Variants in DPP6 observed in about 807,000 individuals in gnomAD.
The protein encoded by DPP6 is dipeptidyl peptidase like 6, also known as A-type potassium channel modulatory protein DPP6.
A neutral mutation model predicts 122.6 loss-of-function variants in DPP6; 69 were observed. That is an observed-to-expected ratio of 0.56 (90% CI 0.46 to 0.69). The LOEUF is 0.69. Ranked by LOEUF, DPP6 falls within the 30% of genes least tolerant of loss-of-function variation. The pLI is 0.00. For synonymous variants in DPP6, 418 were observed against 433.1 expected, an observed-to-expected ratio of 0.97 and a Z score of 0.43; for missense variants, 928 against 1,116.9, an observed-to-expected ratio of 0.83 and a Z score of 2.41.
chr7:154,135,439 G>A (rs1285887176), intron 1 of DPP6, among the ~76,000 whole-genome samples: 2 of 150,086 alleles, frequency 1.3e-5, no homozygotes, highest in Non-Finnish European at 3.0e-5. Flanking sequence ...CATGCTTCCC[G>A]TGAGCCCACA....
intron 5 of DPP6, among the ~76,000 whole-genome samples, chr7:154,623,706 AAAC>A (rs1178013978): frequency 9.9e-5 from 15 of 152,186 alleles, no homozygotes; most frequent in African/African-American, 2.7e-4. Flanking sequence ...CATTCAGGAA[AAAC>A]AACAACAGAA....
intron 3 of DPP6, among the ~76,000 whole-genome samples, chr7:154,511,602 A>G (rs921016811): frequency 1.3e-5 from 2 of 152,216 alleles, no homozygotes; most frequent in African/African-American, 4.8e-5. Flanking sequence ...GGAAAAAGAG[A>G]TGATTGTTTT....
At chr7:153,902,992 G>A (rs928295944) in intron 1 of DPP6, among the ~76,000 whole-genome samples, 1 of 152,120 alleles carries the variant, frequency 6.6e-6, no homozygotes, top group Non-Finnish European at 1.5e-5. Context: ...ATGAGTAACC[G>A]CTACAATAGC....
the DPP6 span, among the ~76,000 whole-genome samples, chr7:153,801,607 C>G: frequency 1.3e-5 from 2 of 152,170 alleles, no homozygotes; most frequent in Non-Finnish European, 2.9e-5. Flanking sequence ...GAGAGCCACA[C>G]AGACCCCTAA....
intron 1 of DPP6, among the ~76,000 whole-genome samples, chr7:154,109,985 T>A (rs1806457327): frequency 7.0e-6 from 1 of 143,056 alleles, no homozygotes; most frequent in Non-Finnish European, 1.5e-5. Flanking sequence ...TAGCTCTTAG[T>A]ACCTTACCTA....
chr7:153,776,229 G>A, the DPP6 span, among the ~76,000 whole-genome samples: 774 of 152,266 alleles, frequency 5.1e-3, 10 homozygotes, highest in African/African-American at 0.018. Flanking sequence ...TGGTTTGGCT[G>A]TGTCCACACC....
intron 1 of DPP6, among the ~76,000 whole-genome samples, chr7:154,103,575 A>G (rs1346303064): frequency 6.6e-6 from 1 of 152,246 alleles, no homozygotes; most frequent in African/African-American, 2.4e-5. Context: ...ATAGCTGGTA[A>G]TGTGTGATTT....
chr7:154,811,856 G>A (rs968279895), intron 16 of DPP6, among the ~76,000 whole-genome samples: 3 of 152,118 alleles, frequency 2.0e-5, no homozygotes, highest in Admixed American at 6.5e-5. Flanking sequence ...TAGCATTAGA[G>A]ACTCTTGTTT....
At chr7:154,362,783 T>G (rs1811839363) in intron 1 of DPP6, among the ~76,000 whole-genome samples, 1 of 152,100 alleles carries the variant, frequency 6.6e-6, no homozygotes, top group Non-Finnish European at 1.5e-5. Context: ...GCACTCTCTT[T>G]GCACCCCATG....
intron 1 of DPP6, among the ~76,000 whole-genome samples, chr7:154,320,475 G>A (rs892843693): frequency 1.2e-5 from 1 of 81,084 alleles, no homozygotes; most frequent in African/African-American, 3.3e-5. Flanking sequence ...ATTGTACTTT[G>A]TTTTTTTTTT....
At position 153,902,996 on chromosome 7, in the gene DPP6, C is replaced by A. The variant is rs552815898; in HGVS notation, c.51+15262C>A. The stretch of plus-strand genomic sequence containing the variant: ...AGAGCATTCAAATGAGTAACCGCTA[C>A]AATAGCCAGCAAAGCTACAGACACC... On this transcript the variant is annotated intron_variant, in intron 1 of 25. Transcript: ENST00000404039. Among the ~76,000 whole-genome samples the A allele has an allele frequency of 5.3e-5, 8 of 152,290 alleles. No homozygotes were observed. In the South Asian group the frequency reaches 1.2e-3, roughly 24 times the overall value.
chr7:154,367,072 C>T (rs1010930672), intron 1 of DPP6, among the ~76,000 whole-genome samples: 4 of 152,180 alleles, frequency 2.6e-5, no homozygotes, highest in Admixed American at 1.3e-4. Context: ...GAGGCAACGA[C>T]GAGCTTTCCA....
intron 1 of DPP6, among the ~76,000 whole-genome samples, chr7:154,384,628 T>G (rs566356168): frequency 6.6e-6 from 1 of 152,308 alleles, no homozygotes; most frequent in African/African-American, 2.4e-5. Context: ...GAGAACCAGA[T>G]AAGTGAGTTC....
At chr7:154,383,686 T>A (rs556839590) in intron 1 of DPP6, among the ~76,000 whole-genome samples, 1 of 152,112 alleles carries the variant, frequency 6.6e-6, no homozygotes, top group East Asian at 1.9e-4. Context: ...GGTCAGGAGT[T>A]CGAGACCAGC....
Position 154,701,215 on chromosome 7 carries a change from T to C in DPP6, c.763-26552T>C, listed in dbSNP as rs189248281. Among the ~76,000 whole-genome samples, 302 of 152,218 alleles carry C rather than the reference T, an allele frequency of 2.0e-3. No individual in the cohort carries two copies. In the Middle Eastern group the frequency reaches 0.024, roughly 12 times the overall value. Reference sequence around the variant, plus strand: ...AGCCAGAGCTCTTCCAGTCTTCCTGTCCCGCTTTGCACGCTCACCACAGAC... The same window carrying C: ...AGCCAGAGCTCTTCCAGTCTTCCTGCCCCGCTTTGCACGCTCACCACAGAC... On this transcript the variant is annotated intron_variant, in intron 7 of 25. Coordinates refer to ENST00000377770, the MANE Select transcript of DPP6 (RefSeq NM_130797.4).
At chr7:154,500,567 T>C (rs1825148193) in intron 3 of DPP6, among the ~76,000 whole-genome samples, 1 of 152,166 alleles carries the variant, frequency 6.6e-6, no homozygotes, top group African/African-American at 2.4e-5. Context: ...TGAGATCTGA[T>C]GGTTTTAAAA....
intron 1 of DPP6, among the ~76,000 whole-genome samples, chr7:154,378,666 C>T (rs1034270732): frequency 6.6e-6 from 1 of 152,092 alleles, no homozygotes; most frequent in African/African-American, 2.4e-5. Context: ...CCCTCATGAC[C>T]CAATTACCTT....
intron 4 of DPP6, among the ~76,000 whole-genome samples, chr7:154,553,971 A>G (rs1477503073): frequency 6.6e-6 from 1 of 151,420 alleles, no homozygotes; most frequent in African/African-American, 2.4e-5. Context: ...TCAAGGTTAG[A>G]GAGAACCGAG....
chr7:154,166,198 G>A (rs940549319), intron 1 of DPP6, among the ~76,000 whole-genome samples: 2 of 152,090 alleles, frequency 1.3e-5, no homozygotes, highest in African/African-American at 4.8e-5. Flanking sequence ...TTGTCAATCA[G>A]AGGTGCTCCA....
Sources: allele counts gnomAD v4.1 joint callset (sites outside exome capture counted in the v4.1 genomes callset), GRCh38; gene constraint gnomAD v4.1.1; transcripts MANE v1.5; gene names NCBI Gene and HGNC (gene_info 2026-07-23, HGNC 2026-07-21).